The following EEF2KMT variants were observed in gnomAD, a reference collection of about 807,000 sequenced individuals.
The protein encoded by EEF2KMT is protein-lysine N-methyltransferase EEF2KMT.
A neutral mutation model predicts 35.1 loss-of-function variants in EEF2KMT; 30 were observed. The observed-to-expected ratio is 0.85, with a 90% CI of 0.64 to 1.16. The LOEUF (loss-of-function observed/expected upper bound fraction) is 1.16, where lower values mean the gene tolerates loss of function less well. Among genes scored for constraint, EEF2KMT ranks in the 50% most tolerant of loss-of-function variants. The probability of loss-of-function intolerance (pLI) is 0.00; values close to 1 mark genes in which losing one functional copy is unlikely to be tolerated. For synonymous variants in EEF2KMT, 190 were observed against 187.7 expected (o/e 1.01, Z -0.10); for missense variants, 499 against 438.2 (o/e 1.14, Z -1.24).
At chr16:5,088,715 C>T (rs1385392719) in intron 7 of EEF2KMT, among the ~76,000 whole-genome samples, 1 of 152,142 alleles carries the variant, frequency 6.6e-6, no homozygotes, top group African/African-American at 2.4e-5. Flanking sequence ...GTGCTCAGGA[C>T]AGTGGCGTGG....
chr16:5,089,275 G>C lies in EEF2KMT; in HGVS notation c.743-19C>G. 1.2e-6 allele frequency: 2 copies of C among 1,601,010 alleles called. No individual in the cohort carries two copies. Among genetic ancestry groups the C allele is most frequent in the Non-Finnish European group, 1.7e-6 (2 of 1,179,726 alleles). On this transcript the variant is annotated intron_variant, in intron 6 of 7. Transcript: ENST00000427587. ...AGCACATCTATGGTGAAAGCTTCAG[G>C]TTACTGAAAGGGACCAGTGGACAGG...
In EEF2KMT at chr16:5,089,287, G is replaced by A. The variant is rs374713175; in HGVS notation, c.743-31C>T. ...GTGAAAGCTTCAGGTTACTGAAAGG[G>A]ACCAGTGGACAGGTCCAGGTCATGC... On this transcript the variant is annotated intron_variant, in intron 6 of 7. Transcript: ENST00000427587. 2.6e-5 allele frequency: 42 copies of A among 1,599,382 alleles called. No homozygotes were observed. In the East Asian group the frequency reaches 6.0e-4, roughly 23 times the overall value.
At position 5,088,291 on chromosome 16, in the gene EEF2KMT, C is replaced by T. The variant is rs541562483; in HGVS notation, c.892+816G>A. ...GACTCTGTCGTGGAACCCAGTACGT[C>T]TTCGTGTGCTGGCTTGTTTGTTGGC... is the stretch of plus-strand genomic sequence containing the variant. On this transcript the variant is annotated intron_variant, in intron 7 of 7. Transcript: ENST00000427587. Among the ~76,000 whole-genome samples, 29 of 152,310 alleles carry T rather than the reference C, an allele frequency of 1.9e-4. No homozygotes were observed. In the South Asian group the frequency reaches 6.0e-3, roughly 32 times the overall value.
intron 2 of EEF2KMT, 117 bp downstream of exon 2, chr16:5,095,335 G>A: frequency 6.5e-7 from 1 of 1,532,284 alleles, no homozygotes; most frequent in Admixed American, 1.8e-5. Context: ...CAATGGTTTT[G>A]TTTTTTGAAC....
At chr16:5,086,696 A>G (rs1482144886) in intron 7 of EEF2KMT, 2 of 148,920 alleles carry the variant, frequency 1.3e-5, no homozygotes, top group Non-Finnish European at 3.0e-5. Flanking sequence ...TTTTAGACGA[A>G]GTTTTACTCT....
At chr16:5,092,941 C>T (rs1297605188) in intron 3 of EEF2KMT, among the ~76,000 whole-genome samples, 4 of 152,048 alleles carry the variant, frequency 2.6e-5, no homozygotes, top group Non-Finnish European at 5.9e-5. Context: ...GCCTGGGCAA[C>T]ACAGTGAGAC....
intron 1 of EEF2KMT, among the ~76,000 whole-genome samples, chr16:5,096,703 ATCAAACAATCCCTCTGG>A (rs751838068): frequency 2.6e-5 from 4 of 152,174 alleles, no homozygotes; most frequent in Non-Finnish European, 4.4e-5. Context: ...CTGCACCCTA[ATCAAACAATCCCTCTGG>A]TCAAATGTGA....
rs1957117627 is a variant in EEF2KMT, at chr16:5,085,341, C to G, written c.*291G>C. 4 of 500,280 alleles carry G rather than the reference C, an allele frequency of 8.0e-6. No individual in the cohort carries two copies. Among genetic ancestry groups the G allele is most frequent in the Non-Finnish European group, 1.5e-5 (4 of 272,374 alleles). 31.0% of individuals were successfully genotyped at this position (500,280 alleles called of 1,614,324 possible). On this transcript the variant is annotated 3_prime_UTR_variant, in exon 8 of 8. Coordinates refer to ENST00000427587, the MANE Select transcript of EEF2KMT (RefSeq NM_201400.4). ...GTGTCCACGTTGGGGGAACATCATA[C>G]TTGATACACACGTTTTTATTTGCAC...
In EEF2KMT at chr16:5,085,025, A is replaced by G; in HGVS notation, c.*607T>C. 2 of 1,465,586 alleles carry G rather than the reference A, an allele frequency of 1.4e-6. No individual in the cohort carries two copies. 90.8% of individuals were successfully genotyped at this position (1,465,586 alleles called of 1,614,324 possible). On this transcript the variant is annotated 3_prime_UTR_variant, in exon 8 of 8. Transcript: ENST00000427587. ...AGCAGTGGTACTGCCTGGTAAAAGAATTGGTTCTGTGACCCGGGAAGCTTT... is the reference window on the plus strand; with the variant it reads ...AGCAGTGGTACTGCCTGGTAAAAGAGTTGGTTCTGTGACCCGGGAAGCTTT...
At chr16:5,087,476 CCATGTGTG>C (rs539587299) in intron 7 of EEF2KMT, 1 of 152,278 alleles carries the variant, frequency 6.6e-6, no homozygotes, top group East Asian at 1.9e-4. Context: ...GTACTCATAA[CCATGTGTG>C]GGTGATTATT....
Position 5,090,143 on chromosome 16 carries a change from C to T in EEF2KMT, c.683G>A (p.Trp228Ter), listed in dbSNP as rs556916796. The change falls in exon 6 of 8, where the codon TGG becomes TAG. Residue 228 changes from tryptophan (W) to a stop codon, truncating the protein, a stop_gained. Coordinates refer to ENST00000427587, the MANE Select transcript of EEF2KMT (RefSeq NM_201400.4). LOFTEE classifies it high-confidence loss of function. The surrounding 1 kb of genome is among the most constrained non-coding windows in gnomAD (Gnocchi z 4.1). ...GAGCTGATGGACCGTCGCGACGTCC[C>T]AGTCCAGCTGGGCCACTGTCACCCT... ...SPRVTVAQLDWDVATVHQLSA... is the reference protein window; with the variant it reads ...SPRVTVAQLD The T allele has an allele frequency of 4.3e-6, 7 of 1,610,978 alleles. No homozygotes were observed. The African/African-American group carries it at 9.3e-5, about 21-fold the overall frequency.
intron 1 of EEF2KMT, among the ~76,000 whole-genome samples, chr16:5,096,533 T>G (rs548039841): frequency 1.3e-5 from 2 of 152,330 alleles, no homozygotes; most frequent in East Asian, 3.9e-4. Context: ...TACTCAACCC[T>G]GACAACAACC....
chr16:5,090,303 T>C lies in EEF2KMT; in HGVS notation c.523A>G (p.Ile175Val), dbSNP rs1210997300. 1.2e-6 allele frequency: 2 copies of C among 1,612,046 alleles called. No homozygotes were observed. The highest frequency in any genetic ancestry group is 1.7e-6 in the Non-Finnish European group (2 of 1,179,848). The change falls in exon 6 of 8, where the codon ATC (isoleucine) becomes GTC (valine). Residue 175 changes from isoleucine to valine, a missense_variant. By Grantham distance (29) the Ile-to-Val change is conservative. Transcript: ENST00000427587. The surrounding 1 kb of genome is among the most constrained non-coding windows in gnomAD (Gnocchi z 4.1). ...GCCCGGGGGCGGCACATCTTGCAGA[T>C]GGCCAGGCCTGTGAGGCCAGCACCA... Reference protein sequence around the residue: ...GSGAGLTGLAICKMCRPRAYI... With the variant: ...GSGAGLTGLAVCKMCRPRAYI...
Position 5,092,760 on chromosome 16 carries a change from C to G in EEF2KMT, c.240+724G>C, listed in dbSNP as rs866997872. Among the ~76,000 whole-genome samples the G allele has an allele frequency of 2.0e-5, 3 of 152,230 alleles. No homozygotes were observed. The East Asian group carries it at 5.8e-4, about 29-fold the overall frequency. Reference sequence around the variant, plus strand: ...GGCGGATCACCTGAGGTCAGGAGTTCGAGACCAGCCTGGCCAACATGGTGA... The same window carrying G: ...GGCGGATCACCTGAGGTCAGGAGTTGGAGACCAGCCTGGCCAACATGGTGA... On this transcript the variant is annotated intron_variant, in intron 3 of 7. Transcript: ENST00000427587.
At position 5,091,801 on chromosome 16, in the gene EEF2KMT, T is replaced by C; in HGVS notation, c.335A>G (p.Tyr112Cys). 6.2e-7 allele frequency: 1 copy of C among 1,611,614 alleles called. No individual in the cohort carries two copies. Among genetic ancestry groups the C allele is most frequent in the South Asian group, 1.1e-5 (1 of 90,982 alleles). ...AGGGTGCCCTTCTCATACCAGCAAA[T>C]AGCTCCGGTGGCCCTGGGTGGACTC... ...AKESTQGHRS[Y>C]LLPSGGSVTL... is the part of the protein sequence containing the mutation. Residue 112 changes from tyrosine (Y) to cysteine (C), a missense_variant, in exon 4 of 8, where the codon TAT (tyrosine) becomes TGT (cysteine). By Grantham distance (194) the Tyr-to-Cys change is radical. Transcript: ENST00000427587.
chr16:5,085,693 T>C lies in EEF2KMT; in HGVS notation c.932A>G (p.Glu311Gly). 2 of 1,611,910 alleles carry C rather than the reference T, an allele frequency of 1.2e-6. No homozygotes were observed. The highest frequency in any genetic ancestry group is 8.5e-7 in the Non-Finnish European group (1 of 1,179,800). The change falls in exon 8 of 8, where the codon GAG becomes GGG. Residue 311 changes from glutamate to glycine, a missense_variant. Physicochemically the swap from Glu to Gly is moderately conservative, Grantham distance 98 (BLOSUM62 -2). Transcript: ENST00000427587. ...GIRWEVEPRHEQKLFPYEEHL... is the reference protein window; with the variant it reads ...GIRWEVEPRHGQKLFPYEEHL... ...CTCTTCGTAGGGAAACAGTTTCTGC[T>C]CATGACGAGGTTCCACTTCCCATCT...
intron 6 of EEF2KMT, chr16:5,089,518 G>C (rs1165494342): frequency 1.4e-5 from 8 of 563,226 alleles, no homozygotes; most frequent in South Asian, 4.2e-5. Flanking sequence ...TCTGGTTCTT[G>C]GCCTATCTAG....
intron 3 of EEF2KMT, 177 bp from the exon 4 acceptor site, chr16:5,092,072 A>G (rs1054132918): frequency 1.7e-5 from 20 of 1,212,102 alleles, no homozygotes; most frequent in Non-Finnish European, 2.2e-5. Flanking sequence ...AGTCCCAGCT[A>G]CTCTAGAGGC....
Position 5,084,671 on chromosome 16 carries a change from C to T in EEF2KMT, c.*961G>A. On this transcript the variant is annotated 3_prime_UTR_variant, in exon 8 of 8. Coordinates refer to ENST00000427587, the MANE Select transcript of EEF2KMT (RefSeq NM_201400.4). ...GGAGGGGTTGTTGTTGGGTCGGGGA[C>T]CTGGGGTCAGCCAGGTGGTGACCTG... 5.0e-6 allele frequency: 8 copies of T among 1,592,052 alleles called. No individual in the cohort carries two copies. The highest frequency in any genetic ancestry group is 1.7e-5 in the Admixed American group (1 of 59,234).
Sources: allele counts gnomAD v4.1 joint callset (sites outside exome capture counted in the v4.1 genomes callset), GRCh38; gene constraint gnomAD v4.1.1; non-coding constraint Gnocchi (gnomAD v3.1); transcripts MANE v1.5; gene names NCBI Gene and HGNC (gene_info 2026-07-23, HGNC 2026-07-21).